The following CALN1 variants were observed in gnomAD, a reference collection of about 807,000 sequenced individuals.
The protein encoded by CALN1 is calneuron 1.
CALN1 carries 17 observed loss-of-function variants against 30.6 expected under a neutral mutation model. The ratio of observed to expected loss-of-function variants is 0.56; its 90% CI spans 0.38 to 0.83. CALN1 has a LOEUF of 0.83. Ranked by LOEUF, CALN1 falls within the 40% of genes least tolerant of loss-of-function variation. CALN1 has a pLI of 0.00. For synonymous variants in CALN1, 156 were observed against 131.4 expected (o/e 1.19, Z -1.28); for missense variants, 291 against 354.9 (o/e 0.82, Z 1.45).
chr7:72,040,868 T>C (rs751776590), intron 4 of CALN1, among the ~76,000 whole-genome samples: 1 of 152,122 alleles, frequency 6.6e-6, no homozygotes, highest in Non-Finnish European at 1.5e-5. Flanking sequence ...GGTTGGGCTT[T>C]CAGCCTTCAG....
chr7:71,995,785 A>T (rs2129528209), intron 5 of CALN1, among the ~76,000 whole-genome samples: 1 of 152,002 alleles, frequency 6.6e-6, no homozygotes, highest in South Asian at 2.1e-4. Flanking sequence ...AAACAGCCTG[A>T]TCCTTGTGGT....
intron 2 of CALN1, among the ~76,000 whole-genome samples, chr7:72,302,501 A>G (rs921471936): frequency 3.5e-4 from 54 of 152,254 alleles, no homozygotes; most frequent in African/African-American, 1.2e-3. Context: ...AAAGTTTACA[A>G]TTTGGCTGGG....
chr7:72,334,917 G>A (rs1801910732), intron 2 of CALN1, among the ~76,000 whole-genome samples: 2 of 152,148 alleles, frequency 1.3e-5, no homozygotes, highest in Non-Finnish European at 2.9e-5. Flanking sequence ...CCATTCCACT[G>A]GTCTTCCACC....
intron 5 of CALN1, among the ~76,000 whole-genome samples, chr7:71,980,109 C>T (rs1798314773): frequency 6.6e-6 from 1 of 150,532 alleles, no homozygotes; most frequent in Admixed American, 6.6e-5. Context: ...AACTCTTGAC[C>T]TCAGGTGATT....
At chr7:71,931,312 C>A (rs546405251) in intron 5 of CALN1, among the ~76,000 whole-genome samples, 2 of 152,144 alleles carry the variant, frequency 1.3e-5, no homozygotes, top group South Asian at 4.2e-4. Context: ...GTCACCCAGG[C>A]TAGAGTGCAG....
At chr7:72,306,822 G>A (rs187605097) in intron 2 of CALN1, among the ~76,000 whole-genome samples, 2 of 152,242 alleles carry the variant, frequency 1.3e-5, no homozygotes, top group Admixed American at 1.3e-4. Flanking sequence ...GTGGGCACCT[G>A]GTTCTCAGGA....
chr7:72,154,573 G>A (rs912112826), intron 3 of CALN1, among the ~76,000 whole-genome samples: 1 of 152,116 alleles, frequency 6.6e-6, no homozygotes, highest in Non-Finnish European at 1.5e-5. Context: ...GATGTAAATG[G>A]CCTGAGAAAC....
chr7:71,879,517 G>A (rs187417162), intron 5 of CALN1, among the ~76,000 whole-genome samples: 1 of 152,350 alleles, frequency 6.6e-6, no homozygotes, highest in East Asian at 1.9e-4. Context: ...AGCAGAGATT[G>A]TGGGGTTTCT....
intron 1 of CALN1, among the ~76,000 whole-genome samples, chr7:72,428,830 C>T (rs960427875): frequency 2.0e-5 from 3 of 152,146 alleles, no homozygotes; most frequent in Non-Finnish European, 2.9e-5. Context: ...GAAACCCCAT[C>T]TGTTTAAAAA....
At chr7:72,059,287 T>C (rs1252951533) in intron 4 of CALN1, among the ~76,000 whole-genome samples, 2 of 152,154 alleles carry the variant, frequency 1.3e-5, no homozygotes, top group Non-Finnish European at 2.9e-5. Flanking sequence ...TGGTCTTCAT[T>C]AGCAATGGTA....
At chr7:72,500,131 C>G in the CALN1 span, among the ~76,000 whole-genome samples, 10 of 150,296 alleles carry the variant, frequency 6.7e-5, no homozygotes, top group South Asian at 2.1e-3. Context: ...AGACTGATCT[C>G]AAACTCCTGA....
intron 2 of CALN1, among the ~76,000 whole-genome samples, chr7:72,296,578 G>A (rs1469474499): frequency 1.4e-5 from 2 of 144,530 alleles, no homozygotes; most frequent in Non-Finnish European, 3.1e-5. Flanking sequence ...ACTTCTTCCT[G>A]GTTTAGTCTT....
the CALN1 span, among the ~76,000 whole-genome samples, chr7:72,458,918 G>GC: frequency 6.9e-6 from 1 of 144,426 alleles, no homozygotes; most frequent in African/African-American, 2.6e-5. Flanking sequence ...TTGTTTGTTT[G>GC]TTTTTGTTTT....
intron 3 of CALN1, among the ~76,000 whole-genome samples, chr7:72,169,005 C>A (rs1197284582): frequency 6.6e-6 from 1 of 151,818 alleles, no homozygotes; most frequent in Non-Finnish European, 1.5e-5. Context: ...GGGATTTTAC[C>A]ATGTTGACCA....
intron 5 of CALN1, among the ~76,000 whole-genome samples, chr7:71,919,775 C>T (rs1173131698): frequency 6.6e-6 from 1 of 152,138 alleles, no homozygotes; most frequent in Non-Finnish European, 1.5e-5. Flanking sequence ...CACACAAAAA[C>T]CCTACAATGA....
intron 2 of CALN1, among the ~76,000 whole-genome samples, chr7:72,330,421 T>C (rs553311742): frequency 6.9e-6 from 1 of 145,350 alleles, no homozygotes; most frequent in East Asian, 2.0e-4. Context: ...GGAGCCAAGA[T>C]CGTGCCACTG....
At chr7:72,399,917 G>C (rs1456672867) in intron 2 of CALN1, among the ~76,000 whole-genome samples, 2 of 152,136 alleles carry the variant, frequency 1.3e-5, no homozygotes, top group Non-Finnish European at 2.9e-5. Flanking sequence ...GCAAGAGCTA[G>C]TTGTTAAAAA....
At chr7:72,426,671 C>T (rs567647990) in intron 1 of CALN1, among the ~76,000 whole-genome samples, 3 of 152,336 alleles carry the variant, frequency 2.0e-5, no homozygotes, top group South Asian at 4.1e-4. Context: ...CCAGGCACCA[C>T]GAAACTGATA....
At chr7:72,149,818 G>A (rs1787082503) in intron 3 of CALN1, among the ~76,000 whole-genome samples, 1 of 151,988 alleles carries the variant, frequency 6.6e-6, no homozygotes, top group Admixed American at 6.6e-5. Context: ...ACTGCTATAG[G>A]AGTTACCAGG....
Sources: gnomAD v4.1 joint callset for allele counts (sites outside exome capture counted in the v4.1 genomes callset) on GRCh38, gnomAD v4.1.1 for gene constraint, MANE v1.5 for transcripts, NCBI Gene and HGNC (gene_info 2026-07-23, HGNC 2026-07-21) for gene names.